Variants in OTX2 observed in about 807,000 individuals in gnomAD.
OTX2 encodes the protein homeobox protein OTX2.
Under a neutral mutation model 29.0 loss-of-function variants are expected in OTX2, and 4 were observed. The ratio of observed to expected loss-of-function variants is 0.14; its 90% CI spans 0.07 to 0.32. The LOEUF is 0.32. Ranked by LOEUF, OTX2 falls within the 10% of genes least tolerant of loss-of-function variation. OTX2 has a pLI of 1.00. For synonymous variants in OTX2, 134 were observed against 141.0 expected (o/e 0.95, Z 0.35); for missense variants, 298 against 365.9 (o/e 0.81, Z 1.51).
chr14:56,808,271 C>T (rs1892158980), intron 2 of OTX2, among the ~76,000 whole-genome samples: 1 of 152,222 alleles, frequency 6.6e-6, no homozygotes, highest in African/African-American at 2.4e-5. Context: ...GGCCGCCATG[C>T]TCCTCTCTGC....
At chr14:56,809,594 C>A (rs974956649) in intron 2 of OTX2, among the ~76,000 whole-genome samples, 1 of 152,142 alleles carries the variant, frequency 6.6e-6, no homozygotes, top group South Asian at 2.1e-4. Flanking sequence ...CAACAGGGGC[C>A]GACAGGGGCT....
chr14:56,805,406 C>T lies in OTX2; in HGVS notation c.51G>A (p.Leu17=). 6.2e-7 allele frequency: 1 copy of T among 1,614,050 alleles called. No homozygotes were observed. Among genetic ancestry groups the T allele is most frequent in the Non-Finnish European group, 8.5e-7 (1 of 1,179,938 alleles). The change falls in exon 3 of 5, where the codon CTG becomes CTA. Residue 17 remains leucine (L), a synonymous_variant. Transcript: ENST00000672264. ...QPPYAVNGLS[L]TTSGMDLLHP... ...GCAGCAAGTCCATACCCGAAGTGGT[C>T]AGACTCAGCCCATTGACTGCGTAAG...
chr14:56,805,368 C>T lies in OTX2; in HGVS notation c.89G>A (p.Gly30Asp), dbSNP rs756331034. 6.2e-7 allele frequency: 1 copy of T among 1,610,696 alleles called. No individual in the cohort carries two copies. The highest frequency in any genetic ancestry group is 1.1e-5 in the South Asian group (1 of 91,014). ...SGMDLLHPSVGYPGPWASCPA... is the reference protein window; with the variant it reads ...SGMDLLHPSVDYPGPWASCPA... ...CAGCAGGGCTCACTTACCCGGGTAGCCCACGGAGGGGTGCAGCAAGTCCAT... is the reference window on the plus strand; with the variant it reads ...CAGCAGGGCTCACTTACCCGGGTAGTCCACGGAGGGGTGCAGCAAGTCCAT... Residue 30 changes from glycine (G) to aspartate (D), a missense_variant, in exon 3 of 5, where the codon GGC (glycine) becomes GAC (aspartate). Around this residue, in one of 3 missense-constraint regions of OTX2, gnomAD observed 50 missense variants for 57.6 expected, o/e 0.87. Coordinates refer to ENST00000672264, the MANE Select transcript of OTX2 (RefSeq NM_021728.4).
At chr14:56,807,829 C>T (rs1445366474) in intron 2 of OTX2, among the ~76,000 whole-genome samples, 3 of 152,214 alleles carry the variant, frequency 2.0e-5, no homozygotes, top group African/African-American at 7.2e-5. Context: ...TTTGAAAAAT[C>T]CACGCCTCAC....
At chr14:56,805,011 G>T (rs1412205544) in intron 3 of OTX2, among the ~76,000 whole-genome samples, 1 of 152,190 alleles carries the variant, frequency 6.6e-6, no homozygotes, top group Non-Finnish European at 1.5e-5. Flanking sequence ...CACTTCTGAG[G>T]AATTGGTCAT....
intron 1 of OTX2, 48 bp from the exon 2 acceptor site, chr14:56,810,270 C>T (rs1892230428): frequency 6.6e-6 from 1 of 152,160 alleles, no homozygotes; most frequent in Admixed American, 6.5e-5. Context: ...AGTCTTCACC[C>T]TTCCATGAAA....
intron 3 of OTX2, 129 bp downstream of exon 3, chr14:56,805,231 A>G (rs954004078): frequency 1.5e-6 from 1 of 686,146 alleles, no homozygotes; most frequent in Non-Finnish European, 2.6e-6. Context: ...AACCTAGAGG[A>G]GACCAAGCCT....
At chr14:56,807,526 T>C (rs1892129766) in intron 2 of OTX2, among the ~76,000 whole-genome samples, 1 of 152,102 alleles carries the variant, frequency 6.6e-6, no homozygotes, top group Non-Finnish European at 1.5e-5. Flanking sequence ...AGTAGCACAT[T>C]CCAACATAAA....
Position 56,802,562 on chromosome 14 carries a change from C to T in OTX2, c.274-207G>A, listed in dbSNP as rs1441773970. On this transcript the variant is annotated intron_variant, in intron 4 of 4. Coordinates refer to ENST00000672264, the MANE Select transcript of OTX2 (RefSeq NM_021728.4). The surrounding 1 kb of genome is among the most constrained non-coding windows in gnomAD (Gnocchi z 4.4). ...AGGCTCTGTCTAAAAACACTTGACACTGTCTTATTTCTTGCCCAGAATAAC... is the reference window on the plus strand; with the variant it reads ...AGGCTCTGTCTAAAAACACTTGACATTGTCTTATTTCTTGCCCAGAATAAC... Among the ~76,000 whole-genome samples the T allele has an allele frequency of 6.6e-6, 1 of 152,210 alleles. No individual in the cohort carries two copies. Among genetic ancestry groups the T allele is most frequent in the Admixed American group, 6.5e-5 (1 of 15,278 alleles).
intron 2 of OTX2, chr14:56,806,703 C>A (rs1892098883): frequency 6.6e-6 from 1 of 152,162 alleles, no homozygotes; most frequent in African/African-American, 2.4e-5. Context: ...TTTCTCCCTA[C>A]CTTTCAAGTT....
chr14:56,805,295 G>A (rs1042113442), intron 3 of OTX2, 65 bp downstream of exon 3: 3 of 1,052,694 alleles, frequency 2.8e-6, no homozygotes, highest in Non-Finnish European at 1.5e-6. Context: ...TGGGAACAGG[G>A]TGTTGCATCC....
chr14:56,807,722 G>A (rs1892136108), intron 2 of OTX2, among the ~76,000 whole-genome samples: 1 of 152,328 alleles, frequency 6.6e-6, no homozygotes, highest in East Asian at 1.9e-4. Flanking sequence ...AACCGGCCTA[G>A]GTATGCACTC....
rs898064084 is a variant in OTX2, at chr14:56,800,247, A to G, written c.*1488T>C. On this transcript the variant is annotated 3_prime_UTR_variant, in exon 5 of 5. Coordinates refer to ENST00000672264, the MANE Select transcript of OTX2 (RefSeq NM_021728.4). ...CCTGAATTACTTTCAGATTCTGATT[A>G]CACTCCCTCTCATGTTTACCTCAGT... The G allele has an allele frequency of 7.9e-5, 12 of 151,392 alleles. No homozygotes were observed. In the East Asian group the frequency reaches 2.2e-3, roughly 27 times the overall value. The allele number at this position is 151,392 out of a possible 1,614,324, so 9.4% of individuals were successfully genotyped here.
intron 2 of OTX2, 146 bp from the exon 3 acceptor site, chr14:56,805,721 C>T: frequency 2.3e-6 from 1 of 431,276 alleles, no homozygotes; most frequent in African/African-American, 2.2e-5. Context: ...TCCCCCCACC[C>T]CCATCCCCAC....
At chr14:56,809,603 C>G (rs1346734405) in intron 2 of OTX2, among the ~76,000 whole-genome samples, 1 of 152,146 alleles carries the variant, frequency 6.6e-6, no homozygotes, top group African/African-American at 2.4e-5. Flanking sequence ...CCGACAGGGG[C>G]TCGAGCGGCG....
Position 56,805,523 on chromosome 14 carries a change from G to A in OTX2, c.-67C>T. 1.0e-6 allele frequency: 1 copy of A among 981,848 alleles called. No individual in the cohort carries two copies. Among genetic ancestry groups the A allele is most frequent in the South Asian group, 1.3e-5 (1 of 75,148 alleles). The allele number at this position is 981,848 out of a possible 1,614,324, so 60.8% of individuals were successfully genotyped here. On this transcript the variant is annotated 5_prime_UTR_variant, in exon 3 of 5. Coordinates refer to ENST00000672264, the MANE Select transcript of OTX2 (RefSeq NM_021728.4). Reference sequence around the variant, plus strand: ...GTACCCAGCTGGAAGATCTTGATGCGCCCGGGGTGGACAGGTTCAGAGTCC... The same window carrying A: ...GTACCCAGCTGGAAGATCTTGATGCACCCGGGGTGGACAGGTTCAGAGTCC...
chr14:56,808,550 T>C (rs768186776), intron 2 of OTX2, among the ~76,000 whole-genome samples: 12 of 152,094 alleles, frequency 7.9e-5, no homozygotes, highest in Non-Finnish European at 1.8e-4. Context: ...TTAATTATCG[T>C]TGGGAGAAAG....
Position 56,807,334 on chromosome 14 carries a change from T to G in OTX2, c.-119-1759A>C, listed in dbSNP as rs537697995. Reference sequence around the variant, plus strand: ...TTTAAAATACAGTTGTATATGTGTTTAAACAGCCTCTAAACTGGAGATTGG... The same window carrying G: ...TTTAAAATACAGTTGTATATGTGTTGAAACAGCCTCTAAACTGGAGATTGG... On this transcript the variant is annotated intron_variant, in intron 2 of 4. Transcript: ENST00000672264. Among the ~76,000 whole-genome samples, 4 of 152,246 alleles carry G rather than the reference T, an allele frequency of 2.6e-5. No individual in the cohort carries two copies. In the South Asian group the frequency reaches 8.3e-4, roughly 32 times the overall value.
In OTX2 at chr14:56,801,598, T is replaced by C. The variant is rs1891877788; in HGVS notation, c.*137A>G. On this transcript the variant is annotated 3_prime_UTR_variant, in exon 5 of 5. Transcript: ENST00000672264. This position sits in a 1 kb window ranked among gnomAD's most constrained non-coding sequence, Gnocchi z 4.2. ...CCCTCTAAGGCCCTTCGTTTTTCCT[T>C]CTATGCCTCTCGGAACTTTGATCAG... 1 of 1,010,530 alleles carries C rather than the reference T, an allele frequency of 9.9e-7. No homozygotes were observed. Among genetic ancestry groups the C allele is most frequent in the Non-Finnish European group, 1.5e-6 (1 of 652,218 alleles). The allele number at this position is 1,010,530 out of a possible 1,614,324, so 62.6% of individuals were successfully genotyped here. A position where few individuals can be genotyped will look rare whatever the true frequency, so the allele number is the denominator to read the frequency against.
Sources: allele counts gnomAD v4.1 joint callset (sites outside exome capture counted in the v4.1 genomes callset), GRCh38; gene constraint gnomAD v4.1.1; regional missense constraint gnomAD v4.1.1; non-coding constraint Gnocchi (gnomAD v3.1); transcripts MANE v1.5; gene names NCBI Gene and HGNC (gene_info 2026-07-23, HGNC 2026-07-21).